ADD1: variants seen among roughly 807,000 people sequenced by gnomAD.
ADD1 encodes the protein alpha-adducin.
In ADD1, 24 loss-of-function variants were observed where a neutral mutation model predicts 80.5. The ratio of observed to expected loss-of-function variants is 0.30; its 90% CI spans 0.22 to 0.42. The LOEUF (loss-of-function observed/expected upper bound fraction) is 0.42. Among genes scored for constraint, ADD1 ranks in the 10% least tolerant of loss-of-function variants. The pLI, the probability that ADD1 is intolerant of heterozygous loss-of-function variation, is 1.00. For synonymous variants in ADD1, 373 were observed against 393.8 expected, an observed-to-expected ratio of 0.95 and a Z score of 0.63; for missense variants, 948 against 1,019.0, an observed-to-expected ratio of 0.93 and a Z score of 0.95.
At chr4:2,887,487 G>C (rs1182344864) in intron 4 of ADD1, 1 of 152,152 alleles carries the variant, frequency 6.6e-6, no homozygotes, top group South Asian at 2.1e-4. Flanking sequence ...GGGTGGCCCA[G>C]TTAGCACAGT....
rs966596133 is a variant in ADD1, at chr4:2,926,807, C to G, written c.2047+695C>G. The G allele has an allele frequency of 5.6e-6, 6 of 1,076,256 alleles. No individual in the cohort carries two copies. The South Asian group carries it at 7.6e-5, about 14-fold the overall frequency. The allele number at this position is 1,076,256 out of a possible 1,614,324, so 66.7% of individuals were successfully genotyped here. A position where few individuals can be genotyped will look rare whatever the true frequency, so the allele number is the denominator to read the frequency against. On this transcript the variant is annotated intron_variant, in intron 15 of 15. Transcript: ENST00000683351. The surrounding 1 kb of genome is among the most constrained non-coding windows in gnomAD (Gnocchi z 5.0). Reference sequence around the variant, plus strand: ...AACAGAAGCCCCCCTTTTTTGTACCCAGTCCCTTGGAGGCCTTCCTGGAAG... The same window carrying G: ...AACAGAAGCCCCCCTTTTTTGTACCGAGTCCCTTGGAGGCCTTCCTGGAAG...
At chr4:2,912,563 C>T (rs1362196572) in intron 13 of ADD1, among the ~76,000 whole-genome samples, 1 of 151,862 alleles carries the variant, frequency 6.6e-6, no homozygotes, top group East Asian at 1.9e-4. Context: ...GCATCTTACT[C>T]TGGCCCATGC....
intron 9 of ADD1, chr4:2,901,258 C>G (rs1736125544): frequency 1.3e-5 from 2 of 152,208 alleles, no homozygotes; most frequent in Non-Finnish European, 2.9e-5. Flanking sequence ...CTGGTAAATA[C>G]GGCGACATTT....
At chr4:2,888,286 C>T (rs1338629539) in intron 4 of ADD1, among the ~76,000 whole-genome samples, 2 of 151,924 alleles carry the variant, frequency 1.3e-5, no homozygotes, top group Non-Finnish European at 2.9e-5. Context: ...ACCATGCTGG[C>T]CAGCCTGGGC....
chr4:2,922,161 C>T (rs1740162633), intron 14 of ADD1, among the ~76,000 whole-genome samples: 1 of 152,050 alleles, frequency 6.6e-6, no homozygotes, highest in African/African-American at 2.4e-5. Flanking sequence ...CATTCTCTGT[C>T]CAGTTTTGTT....
At chr4:2,852,877 T>A (rs1052865006) in intron 1 of ADD1, among the ~76,000 whole-genome samples, 7 of 151,020 alleles carry the variant, frequency 4.6e-5, no homozygotes, top group Admixed American at 2.0e-4. Flanking sequence ...CTAAAAAAAT[T>A]TTTTTTTTAG....
At chr4:2,916,177 T>C (rs1739011282) in intron 14 of ADD1, among the ~76,000 whole-genome samples, 1 of 94,316 alleles carries the variant, frequency 1.1e-5, no homozygotes, top group Non-Finnish European at 2.5e-5. Flanking sequence ...ATTATTATTA[T>C]TATTATTATT....
chr4:2,876,201 C>T, intron 2 of ADD1, 91 bp downstream of exon 2: 4 of 1,265,434 alleles, frequency 3.2e-6, no homozygotes, highest in Non-Finnish European at 4.3e-6. Context: ...TGGCATAGTT[C>T]ATTGATCTTA....
chr4:2,845,402 T>C (rs1726050738), intron 1 of ADD1, among the ~76,000 whole-genome samples: 1 of 152,176 alleles, frequency 6.6e-6, no homozygotes, highest in Admixed American at 6.5e-5. Context: ...TCCTTTGATT[T>C]TGACAGTGGA....
intron 13 of ADD1, among the ~76,000 whole-genome samples, chr4:2,914,298 A>G (rs538373573): frequency 1.3e-5 from 2 of 152,188 alleles, no homozygotes; most frequent in South Asian, 4.2e-4. Flanking sequence ...CTTTGGTACA[A>G]ATTTTCAGAG....
intron 1 of ADD1, among the ~76,000 whole-genome samples, chr4:2,872,743 T>A (rs1488770976): frequency 1.3e-5 from 2 of 152,062 alleles, no homozygotes; most frequent in African/African-American, 4.8e-5. Flanking sequence ...TTTTTTTTGT[T>A]GAGATGCAGT....
At chr4:2,856,875 G>A (rs1308990821) in intron 1 of ADD1, among the ~76,000 whole-genome samples, 4 of 151,554 alleles carry the variant, frequency 2.6e-5, no homozygotes, top group African/African-American at 9.7e-5. Flanking sequence ...ACAGGTGTGA[G>A]CCACCACACC....
chr4:2,920,330 C>T (rs1380117087), intron 14 of ADD1, among the ~76,000 whole-genome samples: 1 of 152,154 alleles, frequency 6.6e-6, no homozygotes, highest in East Asian at 1.9e-4. Flanking sequence ...GTGGAGAGTT[C>T]TGTAGATGTC....
chr4:2,849,269 T>C (rs1200423419), intron 1 of ADD1, among the ~76,000 whole-genome samples: 1 of 152,228 alleles, frequency 6.6e-6, no homozygotes, highest in Non-Finnish European at 1.5e-5. Context: ...TGTTTTTTTC[T>C]GAACTTTATT....
chr4:2,890,432 G>A (rs1734114724), intron 4 of ADD1, among the ~76,000 whole-genome samples: 1 of 152,102 alleles, frequency 6.6e-6, no homozygotes, highest in Admixed American at 6.6e-5. Context: ...GTTTGAGACA[G>A]AGTCTCACCC....
rs1016865774 is a variant in ADD1 at position 2,926,777 on chromosome 4, A to G, written c.2047+665A>G. 2.2e-6 allele frequency: 3 copies of G among 1,353,224 alleles called. No individual in the cohort carries two copies. The African/African-American group carries it at 4.4e-5, about 20-fold the overall frequency. The allele number at this position is 1,353,224 out of a possible 1,614,324, so 83.8% of individuals were successfully genotyped here. On this transcript the variant is annotated intron_variant, in intron 15 of 15. Transcript: ENST00000683351. The surrounding 1 kb of genome is among the most constrained non-coding windows in gnomAD (Gnocchi z 5.0). ...AAGTTTTGTTTTCTGTTTATTTAAA[A>G]TAAAAACAGAAGCCCCCCTTTTTTG...
At chr4:2,911,842 A>C (rs1429028794) in intron 13 of ADD1, among the ~76,000 whole-genome samples, 3 of 152,220 alleles carry the variant, frequency 2.0e-5, no homozygotes, top group Non-Finnish European at 4.4e-5. Flanking sequence ...CTACACTGCA[A>C]GCTATTCAGC....
Position 2,876,054 on chromosome 4 carries a change from C to G in ADD1, c.139C>G (p.Gln47Glu). 6.2e-7 allele frequency: 1 copy of G among 1,614,062 alleles called. No individual in the cohort carries two copies. Among genetic ancestry groups the G allele is most frequent in the South Asian group, 1.1e-5 (1 of 91,074 alleles). ...RERNMAPDLR[Q>E]DFNMMEQKKR... is the part of the protein sequence containing the mutation. ...GAGGAACATGGCACCAGACCTTCGC[C>G]AGGACTTCAACATGATGGAGCAAAA... is the stretch of plus-strand genomic sequence containing the variant. The change falls in exon 2 of 16, where the codon CAG (glutamine) becomes GAG (glutamate). Residue 47 changes from glutamine to glutamate, a missense_variant. By Grantham distance (29) the Gln-to-Glu change is conservative. Coordinates refer to ENST00000683351, the MANE Select transcript of ADD1 (RefSeq NM_001354761.2).
intron 1 of ADD1, among the ~76,000 whole-genome samples, chr4:2,870,776 T>C (rs1328112631): frequency 6.6e-6 from 1 of 152,154 alleles, no homozygotes; most frequent in Non-Finnish European, 1.5e-5. Context: ...ATTTCAACCC[T>C]CCAAAGATTG....
Sources: gnomAD v4.1 joint callset for allele counts (sites outside exome capture counted in the v4.1 genomes callset) on GRCh38, gnomAD v4.1.1 for gene constraint, Gnocchi (gnomAD v3.1) non-coding constraint, MANE v1.5 for transcripts, NCBI Gene and HGNC (gene_info 2026-07-23, HGNC 2026-07-21) for gene names.